The following DHRSX variants were observed in gnomAD, a reference collection of about 807,000 sequenced individuals.
The protein encoded by DHRSX is polyprenol dehydrogenase.
A neutral mutation model predicts 34.0 loss-of-function variants in DHRSX; 31 were observed. The observed-to-expected ratio is 0.91, with a 90% confidence interval of 0.69 to 1.23. The LOEUF is 1.23. Ranked by LOEUF, DHRSX falls within the 50% of genes most tolerant of loss-of-function variation. DHRSX has a pLI of 0.00. For synonymous variants in DHRSX, 201 were observed against 183.8 expected, an observed-to-expected ratio of 1.09 and a Z score of -0.76; for missense variants, 414 against 428.1, an observed-to-expected ratio of 0.97 and a Z score of 0.29.
intron 3 of DHRSX, among the ~76,000 whole-genome samples, chrX:2,357,914 A>G (rs1319527157): frequency 6.6e-6 from 1 of 152,128 alleles, no homozygotes; most frequent in Non-Finnish European, 1.5e-5. Context: ...GGGTGTGGCT[A>G]CCATAGTCAA....
chrX:2,337,101 A>G (rs62583713), intron 3 of DHRSX, among the ~76,000 whole-genome samples: 43,198 of 151,886 alleles, frequency 0.28, 7,719 homozygotes, highest in African/African-American at 0.5. Context: ...ACCGCGGCTG[A>G]CCTTTATTGC....
chrX:2,392,534 T>C (rs1353295296), intron 3 of DHRSX: 2 of 216,398 alleles, frequency 9.2e-6, no homozygotes, highest in Admixed American at 5.6e-5. Flanking sequence ...AATTTTATAT[T>C]TTGTATACTG....
intron 1 of DHRSX, among the ~76,000 whole-genome samples, chrX:2,474,823 C>T (rs1389816427): frequency 3.3e-5 from 5 of 151,318 alleles, no homozygotes; most frequent in Non-Finnish European, 5.9e-5. Flanking sequence ...ACACTGAAGA[C>T]GTTCCCTAAG....
At chrX:2,320,298 C>A (rs867360025) in intron 3 of DHRSX, among the ~76,000 whole-genome samples, 1 of 100,276 alleles carries the variant, frequency 1.0e-5, no homozygotes, top group Non-Finnish European at 2.2e-5. Context: ...CTTTTCTTTT[C>A]TTTTTTTTTT....
chrX:2,258,781 A>C (rs2041315211), intron 5 of DHRSX, among the ~76,000 whole-genome samples: 2 of 152,254 alleles, frequency 1.3e-5, no homozygotes, highest in South Asian at 2.1e-4. Context: ...GCCGTCAACG[A>C]AGAACAGTTT....
intron 4 of DHRSX, 78 bp from the exon 5 acceptor site, chrX:2,267,025 C>A: frequency 2.1e-6 from 3 of 1,456,220 alleles, no homozygotes; most frequent in Non-Finnish European, 2.9e-6. Flanking sequence ...TCCCCAGATG[C>A]GCAAATGGCC....
chrX:2,395,340 CA>C (rs1348667624), intron 3 of DHRSX, among the ~76,000 whole-genome samples: 1 of 152,154 alleles, frequency 6.6e-6, no homozygotes. Flanking sequence ...TGGGGCCAGC[CA>C]GGGGGTGGAG....
intron 1 of DHRSX, among the ~76,000 whole-genome samples, chrX:2,480,139 T>TAC (rs2044747368): frequency 7.2e-6 from 1 of 139,266 alleles, no homozygotes; most frequent in Non-Finnish European, 1.6e-5. Context: ...CAGATGAGCG[T>TAC]ATCAAGCAAA....
chrX:2,264,378 C>G (rs2041409313), intron 5 of DHRSX, among the ~76,000 whole-genome samples: 1 of 150,248 alleles, frequency 6.7e-6, no homozygotes, highest in Admixed American at 6.6e-5. Context: ...GCACCTCTAC[C>G]CAGCAGATGC....
At chrX:2,469,099 G>T (rs1445526364) in intron 1 of DHRSX, among the ~76,000 whole-genome samples, 1 of 151,050 alleles carries the variant, frequency 6.6e-6, no homozygotes, top group Non-Finnish European at 1.5e-5. Context: ...AGGGACCACT[G>T]CCATGTACAC....
chrX:2,224,696 A>G (rs1192569248), intron 6 of DHRSX, among the ~76,000 whole-genome samples: 1 of 152,008 alleles, frequency 6.6e-6, no homozygotes, highest in Admixed American at 6.6e-5. Flanking sequence ...ACACAAATAT[A>G]TATACACATA....
At chrX:2,492,757 C>A (rs1050701251) in intron 1 of DHRSX, among the ~76,000 whole-genome samples, 4 of 152,176 alleles carry the variant, frequency 2.6e-5, no homozygotes, top group Non-Finnish European at 5.9e-5. Context: ...GCAGGAAGCA[C>A]CCTCCGCGTA....
At chrX:2,241,283 G>A (rs1354512695) in intron 6 of DHRSX, among the ~76,000 whole-genome samples, 1 of 152,188 alleles carries the variant, frequency 6.6e-6, no homozygotes, top group African/African-American at 2.4e-5. Flanking sequence ...TTGCAGAAAT[G>A]TGGGAGCTTT....
intron 6 of DHRSX, among the ~76,000 whole-genome samples, chrX:2,237,816 T>G (rs2016051635): frequency 6.6e-6 from 1 of 152,060 alleles, no homozygotes; most frequent in Admixed American, 6.6e-5. Flanking sequence ...TAGCTCTTTT[T>G]TGTAACACCC....
intron 6 of DHRSX, among the ~76,000 whole-genome samples, chrX:2,231,181 C>T (rs1236356367): frequency 2.6e-5 from 4 of 152,092 alleles, no homozygotes; most frequent in Non-Finnish European, 5.9e-5. Flanking sequence ...GCCTCAGAGC[C>T]TATGATGTCT....
At chrX:2,488,803 C>T (rs1435643858) in intron 1 of DHRSX, 6 of 1,613,892 alleles carry the variant, frequency 3.7e-6, no homozygotes, top group South Asian at 1.1e-5. Flanking sequence ...CGTCCACGTG[C>T]GCGGGAGCCA....
chrX:2,462,593 G>A (rs966584630), intron 1 of DHRSX, among the ~76,000 whole-genome samples: 1 of 151,898 alleles, frequency 6.6e-6, no homozygotes, highest in Non-Finnish European at 1.5e-5. Flanking sequence ...AGGACTGAAG[G>A]GTAACTAGAA....
chrX:2,440,607 C>A (rs2044050816), intron 1 of DHRSX, among the ~76,000 whole-genome samples: 1 of 151,776 alleles, frequency 6.6e-6, no homozygotes, highest in Admixed American at 6.6e-5. Flanking sequence ...TAGCCTTCAT[C>A]TTTCTCCCAT....
chrX:2,295,988 T>G (rs997865143), intron 3 of DHRSX, among the ~76,000 whole-genome samples: 1 of 152,186 alleles, frequency 6.6e-6, no homozygotes, highest in Non-Finnish European at 1.5e-5. Flanking sequence ...GAGATGCTTG[T>G]GTGCCTCACT....
Sources: allele counts gnomAD v4.1 joint callset (sites outside exome capture counted in the v4.1 genomes callset), GRCh38; gene constraint gnomAD v4.1.1; transcripts MANE v1.5; gene names NCBI Gene and HGNC (gene_info 2026-07-23, HGNC 2026-07-21).